The following VWA8 variants were observed in gnomAD, a reference collection of about 807,000 sequenced individuals.
VWA8 encodes the protein von Willebrand factor A domain containing 8.
A neutral mutation model predicts 241.5 loss-of-function variants in VWA8; 221 were observed. The ratio of observed to expected loss-of-function variants is 0.91; its 90% CI spans 0.82 to 1.02. The LOEUF is 1.02. Ranked by LOEUF, VWA8 falls within the 50% of genes least tolerant of loss-of-function variation. The pLI is 0.00. For missense variants in VWA8, 2,322 were observed against 2,328.7 expected, an observed-to-expected ratio of 1.00 and a Z score of 0.06; for synonymous variants, 852 against 827.1, an observed-to-expected ratio of 1.03 and a Z score of -0.52.
chr13:41,757,046 G>A (rs995046994), intron 21 of VWA8, among the ~76,000 whole-genome samples: 3 of 151,680 alleles, frequency 2.0e-5, no homozygotes, highest in African/African-American at 7.2e-5. Flanking sequence ...TTATTCAAGT[G>A]AGAACTAGCA....
intron 17 of VWA8, among the ~76,000 whole-genome samples, chr13:41,796,661 T>C (rs1869715487): frequency 6.6e-6 from 1 of 152,170 alleles, no homozygotes; most frequent in African/African-American, 2.4e-5. Context: ...TTTATGCCGT[T>C]AACTTCATTA....
intron 17 of VWA8, among the ~76,000 whole-genome samples, chr13:41,795,119 C>G (rs1055952058): frequency 6.6e-6 from 1 of 151,882 alleles, no homozygotes; most frequent in African/African-American, 2.4e-5. Flanking sequence ...AAAACCCACC[C>G]CATTAAAAAG....
At chr13:41,730,794 T>C (rs985280173) in intron 22 of VWA8, among the ~76,000 whole-genome samples, 9 of 152,034 alleles carry the variant, frequency 5.9e-5, no homozygotes, top group African/African-American at 2.2e-4. Context: ...TCTCATAGGA[T>C]GGTATATTTT....
At chr13:41,924,936 TTTAA>T (rs1876759374) in intron 2 of VWA8, among the ~76,000 whole-genome samples, 1 of 152,130 alleles carries the variant, frequency 6.6e-6, no homozygotes, top group African/African-American at 2.4e-5. Flanking sequence ...TCCAAACAGA[TTTAA>T]TCCAATAAGC....
Position 41,948,301 on chromosome 13 carries a change from G to A in VWA8, c.241+1635C>T, listed in dbSNP as rs772681680. Among the ~76,000 whole-genome samples the A allele has an allele frequency of 5.8e-4, 89 of 152,208 alleles. 1 individual carries two copies. Among genetic ancestry groups the A allele is most frequent in the Non-Finnish European group, 9.0e-4 (61 of 68,020 alleles). On this transcript the variant is annotated intron_variant, in intron 2 of 44. Transcript: ENST00000379310. ...CCATGTATATAAAATGTCCAAAATA[G>A]ACAAATCTATAGAAACAGAAAGTAT...
At position 41,948,420 on chromosome 13, in the gene VWA8, G is replaced by T. The variant is rs558556695; in HGVS notation, c.241+1516C>A. Among the ~76,000 whole-genome samples the T allele has an allele frequency of 8.5e-5, 13 of 152,264 alleles. No homozygotes were observed. The South Asian group carries it at 2.5e-3, about 29-fold the overall frequency. ...AATGAGTATAAAGTTTCTTCATGGA[G>T]TGATGAAAACGTTAGATAACAGTAT... On this transcript the variant is annotated intron_variant, in intron 2 of 44. Transcript: ENST00000379310.
chr13:41,926,606 G>T (rs1045248311), intron 2 of VWA8: 10 of 546,698 alleles, frequency 1.8e-5, no homozygotes, highest in African/African-American at 1.7e-4. Flanking sequence ...GTTCTATATG[G>T]CCTATGCAGA....
chr13:41,949,905 A>G, intron 2 of VWA8, 31 bp downstream of exon 2: 2 of 1,292,922 alleles, frequency 1.5e-6, no homozygotes, highest in Non-Finnish European at 2.1e-6. Context: ...GTTAAAAGTT[A>G]TTCATTCATA....
chr13:41,847,029 AAATT>A (rs1273813105), intron 12 of VWA8, among the ~76,000 whole-genome samples: 3 of 152,204 alleles, frequency 2.0e-5, no homozygotes, highest in Non-Finnish European at 4.4e-5. Context: ...ATGTCTCAAA[AAATT>A]AATTAAATAA....
At chr13:41,686,458 C>T (rs1044435562) in intron 34 of VWA8, among the ~76,000 whole-genome samples, 2 of 151,914 alleles carry the variant, frequency 1.3e-5, no homozygotes. Context: ...TACTTATTTG[C>T]CATCCCTCTA....
chr13:41,765,709 A>C (rs997718456), intron 20 of VWA8, among the ~76,000 whole-genome samples: 1 of 152,222 alleles, frequency 6.6e-6, no homozygotes, highest in Admixed American at 6.5e-5. Context: ...ATCTGCTAAC[A>C]TTTTAATTTT....
intron 26 of VWA8, among the ~76,000 whole-genome samples, chr13:41,709,350 C>CAT (rs1415041513): frequency 6.6e-6 from 1 of 152,226 alleles, no homozygotes; most frequent in Non-Finnish European, 1.5e-5. Context: ...ATGTGGGCCT[C>CAT]ATTCTTCATC....
chr13:41,848,124 T>A (rs1279209898), intron 12 of VWA8, among the ~76,000 whole-genome samples: 1 of 152,190 alleles, frequency 6.6e-6, no homozygotes, highest in South Asian at 2.1e-4. Flanking sequence ...TGTGCCATGT[T>A]CCAGTACTTG....
At chr13:41,791,193 G>A (rs1869444467) in intron 17 of VWA8, among the ~76,000 whole-genome samples, 1 of 151,632 alleles carries the variant, frequency 6.6e-6, no homozygotes, top group Non-Finnish European at 1.5e-5. Flanking sequence ...TTATTCTAAA[G>A]AGAAGGTTAG....
Position 41,897,397 on chromosome 13 carries a change from AG to A in VWA8, c.484-5811del, listed in dbSNP as rs575373867. 4.6e-5 allele frequency among the ~76,000 whole-genome samples: 7 copies of A among 152,348 alleles called. No individual in the cohort carries two copies. The South Asian group carries it at 1.4e-3, about 32-fold the overall frequency. ...ATGGCCACTGTGAAAAAGAGAAAAA[AG>A]TAATGGATGTTGATGAGGATGTGGA... On this transcript the variant is annotated intron_variant, in intron 4 of 44. Coordinates refer to ENST00000379310, the MANE Select transcript of VWA8 (RefSeq NM_015058.2).
At chr13:41,800,512 G>A (rs1300438041) in intron 17 of VWA8, among the ~76,000 whole-genome samples, 1 of 152,066 alleles carries the variant, frequency 6.6e-6, no homozygotes, top group Non-Finnish European at 1.5e-5. Flanking sequence ...TTTGTGGCCA[G>A]GCATGCTGGC....
chr13:41,619,265 C>G lies in VWA8; in HGVS notation c.4612-4181G>C, dbSNP rs112628885. Among the ~76,000 whole-genome samples, 474 of 152,272 alleles carry G rather than the reference C, an allele frequency of 3.1e-3. 2 individuals are homozygous for G. Among genetic ancestry groups the G allele is most frequent in the African/African-American group, 0.011 (441 of 41,552 alleles). Reference sequence around the variant, plus strand: ...GGGAGTTCACTCGTGATTTGGCTCTCTGTTTGTCTGCTATTGGTGTATAGG... The same window carrying G: ...GGGAGTTCACTCGTGATTTGGCTCTGTGTTTGTCTGCTATTGGTGTATAGG... On this transcript the variant is annotated intron_variant, in intron 37 of 44. Coordinates refer to ENST00000379310, the MANE Select transcript of VWA8 (RefSeq NM_015058.2).
intron 37 of VWA8, 97 bp downstream of exon 37, chr13:41,670,849 G>C: frequency 7.3e-7 from 1 of 1,375,228 alleles, no homozygotes; most frequent in Non-Finnish European, 1.0e-6. Flanking sequence ...AACTATTTTT[G>C]AGTCACTGGC....
At position 41,703,418 on chromosome 13, in the gene VWA8, AGGATGAT is replaced by A; in HGVS notation, c.3117-14_3117-8del. ...TTGTTCTGGCAGAGTCAACCTGTTA[AGGATGAT>A]TTGCAAAGTAAATATTTCTTATTGT... is the stretch of plus-strand genomic sequence containing the variant. On this transcript the variant is annotated splice_polypyrimidine_tract_variant and splice_region_variant and intron_variant, in intron 26 of 44. Transcript: ENST00000379310. 1.2e-6 allele frequency: 2 copies of A among 1,613,224 alleles called. No homozygotes were observed. Among genetic ancestry groups the A allele is most frequent in the Non-Finnish European group, 1.7e-6 (2 of 1,179,378 alleles).
Sources: gnomAD v4.1 joint callset for allele counts (sites outside exome capture counted in the v4.1 genomes callset) on GRCh38, gnomAD v4.1.1 for gene constraint, MANE v1.5 for transcripts, NCBI Gene and HGNC (gene_info 2026-07-23, HGNC 2026-07-21) for gene names.